The following STXBP2 variants were observed in gnomAD, a reference collection of about 807,000 sequenced individuals.
The protein encoded by STXBP2 is syntaxin binding protein 2.
Under a neutral mutation model 72.2 loss-of-function variants are expected in STXBP2, and 47 were observed. The ratio of observed to expected loss-of-function variants is 0.65; its 90% CI spans 0.51 to 0.83. STXBP2 has a LOEUF of 0.83. Among genes scored for constraint, STXBP2 ranks in the 40% least tolerant of loss-of-function variants. The probability of loss-of-function intolerance (pLI) is 0.00; values close to 1 mark genes in which losing one functional copy is unlikely to be tolerated. For synonymous variants in STXBP2, 367 were observed against 338.7 expected (o/e 1.08, Z -0.92); for missense variants, 702 against 807.6 (o/e 0.87, Z 1.58).
At chr19:7,629,842 G>A in the STXBP2 span, 4 of 1,536,076 alleles carry the variant, frequency 2.6e-6, no homozygotes, top group Non-Finnish European at 3.5e-6. Flanking sequence ...AGATGGGGGT[G>A]AAGCTGGAGA....
chr19:7,632,618 TC>T (rs2031368723), upstream of STXBP2: 3 of 1,583,458 alleles, frequency 1.9e-6, no homozygotes, highest in Admixed American at 5.1e-5. This position sits in a 1 kb window ranked among gnomAD's most constrained non-coding sequence, Gnocchi z 5.2. Context: ...CACAACCACC[TC>T]CCACATCCCG....
rs373462454 is a variant in STXBP2, at chr19:7,640,994, C to T, written c.420C>T (p.Tyr140=). The T allele has an allele frequency of 4.0e-4, 644 of 1,614,158 alleles. 15 individuals are homozygous for T. In the South Asian group the frequency reaches 6.2e-3, roughly 16 times the overall value. ...AGATTCACCTTGCCTTCCTCCCCTA[C>T]GAGGCCCAGGTACGGCCCGGGCTCA... is the stretch of plus-strand genomic sequence containing the variant. The part of the protein sequence containing the change: ...LKEIHLAFLP[Y]EAQVFSLDAP... Residue 140 remains tyrosine (Y), a synonymous_variant, in exon 6 of 19, where the codon TAC becomes TAT. Transcript: ENST00000221283.
chr19:7,645,338 G>A (rs1487930629), intron 15 of STXBP2, 32 bp downstream of exon 15: 1 of 1,550,234 alleles, frequency 6.5e-7, no homozygotes, highest in South Asian at 1.2e-5. Context: ...GGGGACCCTG[G>A]GAGAGGGTGC....
Position 7,638,828 on chromosome 19 carries a change from A to G in STXBP2, c.87+53A>G, listed in dbSNP as rs376532904. ...CCAGAGGCAGCTCATCATCAGGCCT[A>G]TGGGGAAGACCCTGAATGTGGGACC... is the stretch of plus-strand genomic sequence containing the variant. On this transcript the variant is annotated intron_variant, in intron 2 of 18. Coordinates refer to ENST00000221283, the MANE Select transcript of STXBP2 (RefSeq NM_006949.4). 7.1e-5 allele frequency: 115 copies of G among 1,610,244 alleles called. No individual in the cohort carries two copies. In the Middle Eastern group the frequency reaches 2.8e-3, roughly 39 times the overall value.
chr19:7,630,878 G>A, the STXBP2 span: 1 of 1,537,088 alleles, frequency 6.5e-7, no homozygotes, highest in Admixed American at 2.0e-5. Flanking sequence ...CCAGAGGGAT[G>A]GAGGAGGCTG....
At position 7,642,379 on chromosome 19, in the gene STXBP2, TC is replaced by T. The variant is rs1351496539; in HGVS notation, c.795-46del. 3.1e-6 allele frequency: 5 copies of T among 1,613,466 alleles called. No homozygotes were observed. The highest frequency in any genetic ancestry group is 1.6e-4 in the Middle Eastern group (1 of 6,062). On this transcript the variant is annotated intron_variant, in intron 9 of 18. Coordinates refer to ENST00000221283, the MANE Select transcript of STXBP2 (RefSeq NM_006949.4). This position sits in a 1 kb window ranked among gnomAD's most constrained non-coding sequence, Gnocchi z 6.0. Reference sequence around the variant, plus strand: ...TCCCCACCCTTGCCACTGACCTGGTTCCCCAGTCCTCAGCTCCCCTGACCCC... The same window carrying T: ...TCCCCACCCTTGCCACTGACCTGGTTCCCAGTCCTCAGCTCCCCTGACCCC...
chr19:7,642,114 G>A lies in STXBP2; in HGVS notation c.659G>A (p.Gly220Asp), dbSNP rs1425816273. ...TTCAAGGCAGACACTCCCAGTCTGG[G>A]CGAGGTGAGGGGGCGTGCTTGGGAG... ...NAFKADTPSL[G>D]EGPEKTRSQL... Residue 220 changes from glycine to aspartate, a missense_variant, in exon 8 of 19, where the codon GGC (glycine) becomes GAC (aspartate). By Grantham distance (94) the Gly-to-Asp change is moderately conservative. Coordinates refer to ENST00000221283, the MANE Select transcript of STXBP2 (RefSeq NM_006949.4). This position sits in a 1 kb window ranked among gnomAD's most constrained non-coding sequence, Gnocchi z 6.0. 15 of 1,614,008 alleles carry A rather than the reference G, an allele frequency of 9.3e-6. No individual in the cohort carries two copies. The highest frequency in any genetic ancestry group is 1.1e-5 in the Non-Finnish European group (13 of 1,180,022).
chr19:7,646,105 G>T, intron 15 of STXBP2, 144 bp from the exon 16 acceptor site: 1 of 660,694 alleles, frequency 1.5e-6, no homozygotes, highest in Non-Finnish European at 2.7e-6. Context: ...CTTTCTTGCT[G>T]TCTCTCGCTC....
At chr19:7,646,522 G>T in intron 16 of STXBP2, 178 bp downstream of exon 16, 1 of 685,896 alleles carries the variant, frequency 1.5e-6, no homozygotes, top group Non-Finnish European at 2.6e-6. Context: ...GAGGAATTGG[G>T]GTGACAGCGG....
At chr19:7,632,603 G>A (rs565912453), upstream of STXBP2, 37 of 1,592,390 alleles carry the variant, frequency 2.3e-5, no homozygotes, top group Admixed American at 6.2e-4. The surrounding 1 kb of genome is among the most constrained non-coding windows in gnomAD (Gnocchi z 5.2). Flanking sequence ...AGATGCTTCA[G>A]GGTGCACAAC....
the STXBP2 span, chr19:7,631,855 C>T: frequency 7.3e-7 from 1 of 1,372,448 alleles, no homozygotes; most frequent in Non-Finnish European, 9.5e-7. Context: ...AAGGGCAGTG[C>T]CGGCCACAGG....
intron 5 of STXBP2, 43 bp downstream of exon 5, chr19:7,640,852 G>A: frequency 1.2e-6 from 2 of 1,613,974 alleles, no homozygotes; most frequent in Non-Finnish European, 1.7e-6. Flanking sequence ...GGGGCAAGGA[G>A]GTGTGGGGGC....
Position 7,642,758 on chromosome 19 carries a change from A to G in STXBP2, c.903-8A>G. On this transcript the variant is annotated splice_polypyrimidine_tract_variant and splice_region_variant and intron_variant, in intron 10 of 18. Coordinates refer to ENST00000221283, the MANE Select transcript of STXBP2 (RefSeq NM_006949.4). This position sits in a 1 kb window ranked among gnomAD's most constrained non-coding sequence, Gnocchi z 6.0. ...CTCACTCTCACCCCCGCCCACCCTCATGGCCAGGAAGGTCACGGAGCTCCT... is the reference window on the plus strand; with the variant it reads ...CTCACTCTCACCCCCGCCCACCCTCGTGGCCAGGAAGGTCACGGAGCTCCT... 1 of 1,611,956 alleles carries G rather than the reference A, an allele frequency of 6.2e-7. No individual in the cohort carries two copies. The highest frequency in any genetic ancestry group is 8.5e-7 in the Non-Finnish European group (1 of 1,179,478).
chr19:7,647,619 G>T, intron 18 of STXBP2, 106 bp from the exon 19 acceptor site: 1 of 1,599,118 alleles, frequency 6.3e-7, no homozygotes, highest in Non-Finnish European at 8.6e-7. Context: ...CAGGGACCTG[G>T]TTTGCTGAGG....
At chr19:7,644,817 C>G in intron 14 of STXBP2, 65 bp downstream of exon 14, 1 of 1,610,388 alleles carries the variant, frequency 6.2e-7, no homozygotes, top group African/African-American at 1.3e-5. Flanking sequence ...ATCCTGGGAA[C>G]TGCTGAACCC....
rs2303113 is a variant in STXBP2, at chr19:7,647,531, A to G, written c.1696+20A>G. ...TCATTGGTAAGTCACCAGGACTGGG[A>G]CCCTGGGGTCTGGGGCTTGGGTTCC... is the stretch of plus-strand genomic sequence containing the variant. On this transcript the variant is annotated intron_variant, in intron 18 of 18. Coordinates refer to ENST00000221283, the MANE Select transcript of STXBP2 (RefSeq NM_006949.4). The G allele has an allele frequency of 0.042, 66,945 of 1,580,132 alleles. 7,649 individuals are homozygous for G. In the East Asian group the frequency reaches 0.49, roughly 12 times the overall value.
At chr19:7,643,072 G>A (rs761675784) in intron 12 of STXBP2, 24 bp downstream of exon 12, 12 of 1,614,032 alleles carry the variant, frequency 7.4e-6, no homozygotes, top group South Asian at 2.2e-5. Context: ...GGCAGGGAGC[G>A]GGGACACCTC....
upstream of STXBP2, chr19:7,632,836 G>T (rs767174571): frequency 6.5e-7 from 1 of 1,546,460 alleles, no homozygotes. The surrounding 1 kb of genome is among the most constrained non-coding windows in gnomAD (Gnocchi z 5.2). Context: ...CCCGCCTGGG[G>T]ACAGACTCGC....
intron 2 of STXBP2, 65 bp downstream of exon 2, chr19:7,638,840 C>T: frequency 1.2e-6 from 2 of 1,608,260 alleles, no homozygotes; most frequent in Admixed American, 3.3e-5. Context: ...GGGGAAGACC[C>T]TGAATGTGGG....
Sources: gnomAD v4.1 joint callset for allele counts on GRCh38, gnomAD v4.1.1 for gene constraint, Gnocchi (gnomAD v3.1) non-coding constraint, MANE v1.5 for transcripts, NCBI Gene and HGNC (gene_info 2026-07-23, HGNC 2026-07-21) for gene names.